PLCE1: variants seen among roughly 807,000 people sequenced by gnomAD.
The protein encoded by PLCE1 is 1-phosphatidylinositol 4,5-bisphosphate phosphodiesterase epsilon-1.
PLCE1 carries 119 observed loss-of-function variants against 242.8 expected under a neutral mutation model. The observed-to-expected ratio is 0.49, with a 90% CI of 0.42 to 0.57. PLCE1 has a LOEUF of 0.57. Among genes scored for constraint, PLCE1 ranks in the 20% least tolerant of loss-of-function variants. PLCE1 has a pLI of 0.00. For synonymous variants in PLCE1, 945 were observed against 1,017.4 expected, an observed-to-expected ratio of 0.93 and a Z score of 1.35; for missense variants, 2,441 against 2,788.8, an observed-to-expected ratio of 0.88 and a Z score of 2.81.
chr10:94,277,732 A>G (rs377216565), intron 19 of PLCE1, among the ~76,000 whole-genome samples: 4 of 152,268 alleles, frequency 2.6e-5, no homozygotes, highest in African/African-American at 9.6e-5. Context: ...AGATTTCCCA[A>G]AGTTTTGAAG....
intron 2 of PLCE1, among the ~76,000 whole-genome samples, chr10:94,037,897 T>A (rs1347796694): frequency 1.3e-5 from 2 of 152,214 alleles, no homozygotes; most frequent in East Asian, 1.9e-4. Context: ...ATTCTCATAG[T>A]ATTCTTTGGA....
At chr10:94,055,727 C>T (rs940967485) in intron 2 of PLCE1, among the ~76,000 whole-genome samples, 1 of 152,130 alleles carries the variant, frequency 6.6e-6, no homozygotes, top group Non-Finnish European at 1.5e-5. Flanking sequence ...TTTCTTCACC[C>T]ATAAAGTATT....
chr10:94,223,502 T>C (rs2049833495), intron 4 of PLCE1, among the ~76,000 whole-genome samples: 1 of 152,190 alleles, frequency 6.6e-6, no homozygotes, highest in Non-Finnish European at 1.5e-5. Context: ...AAAATGAGCA[T>C]GTGTGACACC....
At chr10:94,048,924 G>A (rs115943025) in intron 2 of PLCE1, among the ~76,000 whole-genome samples, 1,678 of 151,122 alleles carry the variant, frequency 0.011, 33 homozygotes, top group African/African-American at 0.037. Context: ...ATGCATGCCT[G>A]GCTATTTTTT....
intron 2 of PLCE1, among the ~76,000 whole-genome samples, chr10:94,035,184 A>T (rs1239591991): frequency 6.6e-6 from 1 of 152,244 alleles, no homozygotes; most frequent in Non-Finnish European, 1.5e-5. Context: ...TTAAAAAATC[A>T]TGTACACTCG....
chr10:94,031,728 A>T lies in PLCE1; in HGVS notation c.682A>T (p.Lys228Ter), dbSNP rs1487629775. The T allele has an allele frequency of 6.2e-7, 1 of 1,613,732 alleles. No homozygotes were observed. The highest frequency in any genetic ancestry group is 8.5e-7 in the Non-Finnish European group (1 of 1,179,890). Residue 228 changes from lysine (K) to a stop codon, truncating the protein, a stop_gained, in exon 2 of 33, where the codon AAA becomes TAA. Transcript: ENST00000371380. LOFTEE classifies it high-confidence loss of function. Reference sequence around the variant, plus strand: ...ACCTGGGGGTGAGGAGAAGCAAAAGAAAAACTATGTGGCATATACCTGTAA... The same window carrying T: ...ACCTGGGGGTGAGGAGAAGCAAAAGTAAAACTATGTGGCATATACCTGTAA... ...PLPGGEEKQKKNYVAYTCKLM... is the reference protein window; with the variant it reads ...PLPGGEEKQK
intron 8 of PLCE1, among the ~76,000 whole-genome samples, chr10:94,247,505 C>A (rs1360515065): frequency 6.6e-6 from 1 of 151,974 alleles, no homozygotes; most frequent in Non-Finnish European, 1.5e-5. Flanking sequence ...GAAAACTGTC[C>A]CTATTGAAAT....
At chr10:94,092,025 G>A (rs1404193193) in intron 2 of PLCE1, among the ~76,000 whole-genome samples, 2 of 152,182 alleles carry the variant, frequency 1.3e-5, no homozygotes, top group African/African-American at 2.4e-5. Flanking sequence ...GTCTGTGTGT[G>A]AGCCACTGTA....
Position 94,028,219 on chromosome 10 carries a change from C to T in PLCE1, c.-364-2464C>T, listed in dbSNP as rs77924486. ...AGTTTCTGTGGTCAGGAATTTGGGA[C>T]GAGGCTTATCTGTCTGAGGGTCTGT... is the stretch of plus-strand genomic sequence containing the variant. On this transcript the variant is annotated intron_variant, in intron 1 of 32. Coordinates refer to ENST00000371380, the MANE Select transcript of PLCE1 (RefSeq NM_016341.4). Among the ~76,000 whole-genome samples, 933 of 152,262 alleles carry T rather than the reference C, an allele frequency of 6.1e-3. 15 individuals carry two copies. Among genetic ancestry groups the T allele is most frequent in the African/African-American group, 0.021 (889 of 41,560 alleles).
At chr10:94,211,382 C>T (rs1021033495) in intron 4 of PLCE1, among the ~76,000 whole-genome samples, 6 of 152,358 alleles carry the variant, frequency 3.9e-5, no homozygotes, top group Admixed American at 3.9e-4. Context: ...GACATCTGGG[C>T]TCTAGCCTCA....
chr10:94,265,744 A>G (rs1416238272), intron 15 of PLCE1, 36 bp downstream of exon 15: 3 of 1,613,422 alleles, frequency 1.9e-6, no homozygotes, highest in Non-Finnish European at 2.5e-6. Flanking sequence ...ATCTTTTAAG[A>G]GTAGATGCAT....
At position 94,265,949 on chromosome 10, in the gene PLCE1, C is replaced by G. The variant is rs1320123883; in HGVS notation, c.4272C>G (p.Leu1424=). Residue 1424 remains leucine, a synonymous_variant, in exon 16 of 33, where the codon CTC becomes CTG. Transcript: ENST00000371380. ...TCAAAGGAGAATCCTCGGTAGAACT[C>G]TACAGCCAGGTACAGGGAATGCCAC... ...HQLKGESSVE[L]YSQVLLQGCR... is the part of the protein sequence containing the mutation. The G allele has an allele frequency of 9.9e-6, 16 of 1,613,986 alleles. No individual in the cohort carries two copies. The highest frequency in any genetic ancestry group is 1.3e-5 in the African/African-American group (1 of 75,020).
rs763606448 is a variant in PLCE1 at position 94,265,753 on chromosome 10, A to AT, written c.4116-35dup. The AT allele has an allele frequency of 5.6e-6, 9 of 1,613,406 alleles. No individual in the cohort carries two copies. The Admixed American group carries it at 1.3e-4, about 24-fold the overall frequency. ...TTGCCCATCTTTTAAGAGTAGATGCATTTTTCCCATGCAGTCTTAAGAAAA... is the reference window on the plus strand; with the variant it reads ...TTGCCCATCTTTTAAGAGTAGATGCATTTTTTCCCATGCAGTCTTAAGAAAA... On this transcript the variant is annotated intron_variant, in intron 15 of 32. Coordinates refer to ENST00000371380, the MANE Select transcript of PLCE1 (RefSeq NM_016341.4).
intron 2 of PLCE1, among the ~76,000 whole-genome samples, chr10:94,092,710 T>A (rs1483042750): frequency 1.4e-5 from 2 of 144,898 alleles, no homozygotes; most frequent in Non-Finnish European, 3.0e-5. Flanking sequence ...AAATAGGAAG[T>A]TCAGTTGGAA....
At chr10:94,316,462 A>G in intron 28 of PLCE1, 85 bp from the exon 29 acceptor site, 1 of 836,968 alleles carries the variant, frequency 1.2e-6, no homozygotes, top group Non-Finnish European at 2.1e-6. Context: ...TATAAATTGC[A>G]TAGCAAACCT....
chr10:94,201,125 T>C (rs972550019), intron 4 of PLCE1, among the ~76,000 whole-genome samples: 1 of 152,192 alleles, frequency 6.6e-6, no homozygotes, highest in Admixed American at 6.5e-5. Flanking sequence ...TTGTGACAAA[T>C]GTATCATGCT....
intron 4 of PLCE1, among the ~76,000 whole-genome samples, chr10:94,176,606 A>G (rs529910240): frequency 1.1e-3 from 168 of 152,322 alleles, no homozygotes; most frequent in Non-Finnish European, 2.1e-3. Context: ...GGAATGTTAT[A>G]GTATCTTAAA....
intron 9 of PLCE1, among the ~76,000 whole-genome samples, chr10:94,253,329 G>A (rs2050946788): frequency 6.6e-6 from 1 of 152,100 alleles, no homozygotes; most frequent in Non-Finnish European, 1.5e-5. Context: ...GAGCAGGAGT[G>A]AGAGAGAAGG....
intron 4 of PLCE1, among the ~76,000 whole-genome samples, chr10:94,218,319 T>C (rs1170742667): frequency 6.6e-6 from 1 of 152,178 alleles, no homozygotes; most frequent in Non-Finnish European, 1.5e-5. Flanking sequence ...TTAGTGATTA[T>C]TCAATTTATG....
Sources: gnomAD v4.1 joint callset for allele counts (sites outside exome capture counted in the v4.1 genomes callset) on GRCh38, gnomAD v4.1.1 for gene constraint, MANE v1.5 for transcripts, NCBI Gene and HGNC (gene_info 2026-07-23, HGNC 2026-07-21) for gene names.